BRAF: variants seen among roughly 807,000 people sequenced by gnomAD.
BRAF encodes the protein B-Raf proto-oncogene, serine/threonine kinase.
In BRAF, 16 loss-of-function variants were observed where a neutral mutation model predicts 104.6. The observed-to-expected ratio is 0.15, with a 90% CI of 0.10 to 0.23. The LOEUF is 0.23. Among genes scored for constraint, BRAF ranks in the 10% least tolerant of loss-of-function variants. BRAF has a pLI of 1.00. For missense variants in BRAF, 541 were observed against 937.3 expected, an observed-to-expected ratio of 0.58 and a Z score of 5.52; for synonymous variants, 310 against 341.6, an observed-to-expected ratio of 0.91 and a Z score of 1.02.
At chr7:140,786,779 G>A (rs1801403349) in intron 9 of BRAF, among the ~76,000 whole-genome samples, 1 of 152,204 alleles carries the variant, frequency 6.6e-6, no homozygotes, top group Admixed American at 6.5e-5. Context: ...GCAAAGTTAA[G>A]TTTTATCTGA....
chr7:140,912,691 C>A (rs543424035), intron 1 of BRAF, among the ~76,000 whole-genome samples: 2 of 152,240 alleles, frequency 1.3e-5, no homozygotes, highest in Admixed American at 1.3e-4. Context: ...TCAATCAAAA[C>A]ATCTCCTTCA....
At chr7:140,844,086 C>G in intron 2 of BRAF, among the ~76,000 whole-genome samples, 1 of 152,002 alleles carries the variant, frequency 6.6e-6, no homozygotes. Context: ...CAGTCTAACC[C>G]TAGCCAACAG....
chr7:140,909,587 G>A lies in BRAF; in HGVS notation c.138+14979C>T, dbSNP rs113388482. ...CAACTGCAGACTGAAGAGTATTTGCGTCACCAATACAGCACAAGTGACACT... is the reference window on the plus strand; with the variant it reads ...CAACTGCAGACTGAAGAGTATTTGCATCACCAATACAGCACAAGTGACACT... On this transcript the variant is annotated intron_variant, in intron 1 of 19. Transcript: ENST00000644969. Among the ~76,000 whole-genome samples, 371 of 152,122 alleles carry A rather than the reference G, an allele frequency of 2.4e-3. 6 individuals are homozygous for A. The highest frequency in any genetic ancestry group is 0.019 in the Admixed American group (298 of 15,292).
chr7:140,758,447 T>C lies in BRAF; in HGVS notation c.1815-4214A>G, dbSNP rs1294807788. On this transcript the variant is annotated intron_variant, in intron 14 of 19. Coordinates refer to ENST00000644969, the MANE Select transcript of BRAF (RefSeq NM_001374258.1). Reference sequence around the variant, plus strand: ...CTAAATTCTATTTTTGCCTTGATTTTTTAGTTTCCTTCACTTTTTTTTTTG... The same window carrying C: ...CTAAATTCTATTTTTGCCTTGATTTCTTAGTTTCCTTCACTTTTTTTTTTG... 2.0e-5 allele frequency among the ~76,000 whole-genome samples: 3 copies of C among 152,182 alleles called. 1 individual carries two copies. The highest frequency in any genetic ancestry group is 7.2e-5 in the African/African-American group (3 of 41,442).
intron 14 of BRAF, among the ~76,000 whole-genome samples, chr7:140,762,576 T>C (rs1586056839): frequency 2.9e-5 from 4 of 137,702 alleles, no homozygotes; most frequent in African/African-American, 1.1e-4. Flanking sequence ...AAAAAAACCC[T>C]TCAAAAAATT....
chr7:140,883,990 G>A (rs931714521), intron 1 of BRAF: 3 of 151,976 alleles, frequency 2.0e-5, no homozygotes, highest in Non-Finnish European at 4.4e-5. Context: ...GAAATAAGAT[G>A]GTATTTCCAA....
chr7:140,814,712 A>G (rs1804639747), intron 3 of BRAF, among the ~76,000 whole-genome samples: 1 of 144,510 alleles, frequency 6.9e-6, no homozygotes, highest in African/African-American at 2.6e-5. Flanking sequence ...TTTATATATA[A>G]TGTATATAAT....
chr7:140,910,680 A>C (rs186242266), intron 1 of BRAF, among the ~76,000 whole-genome samples: 16 of 152,046 alleles, frequency 1.1e-4, no homozygotes, highest in Admixed American at 1.0e-3. Context: ...GAAAAAATAC[A>C]CTTTTTTTTT....
chr7:140,796,554 C>T (rs1423366047), intron 7 of BRAF, among the ~76,000 whole-genome samples: 1 of 152,020 alleles, frequency 6.6e-6, no homozygotes, highest in East Asian at 1.9e-4. Context: ...AGAAGAAAAA[C>T]AAAAACCAGA....
At chr7:140,754,536 A>G (rs889334009) in intron 14 of BRAF, among the ~76,000 whole-genome samples, 6 of 152,156 alleles carry the variant, frequency 3.9e-5, no homozygotes, top group African/African-American at 1.2e-4. Context: ...CATGTCCCTT[A>G]AATATACCTT....
intron 2 of BRAF, among the ~76,000 whole-genome samples, chr7:140,838,052 C>A (rs1161326321): frequency 1.3e-5 from 2 of 152,176 alleles, no homozygotes; most frequent in Admixed American, 6.5e-5. Context: ...TATGTGCAAA[C>A]CTCAACCACA....
chr7:140,754,680 T>C (rs1233416854), intron 14 of BRAF, among the ~76,000 whole-genome samples: 2 of 152,204 alleles, frequency 1.3e-5, no homozygotes, highest in South Asian at 4.1e-4. Flanking sequence ...TGAGTGAAGC[T>C]TTCCCATGAC....
rs1795351350 is a variant in BRAF, at chr7:140,722,095, G to C, written c.*4399C>G. Reference sequence around the variant, plus strand: ...CTGTCAACATTTCTGTTGTATAAAAGTTCCATGCTTTGAAGAGCCTATGGG... The same window carrying C: ...CTGTCAACATTTCTGTTGTATAAAACTTCCATGCTTTGAAGAGCCTATGGG... On this transcript the variant is annotated 3_prime_UTR_variant, in exon 20 of 20. Transcript: ENST00000644969. 1.9e-6 allele frequency: 2 copies of C among 1,080,532 alleles called. No homozygotes were observed. Among genetic ancestry groups the C allele is most frequent in the Non-Finnish European group, 2.2e-6 (2 of 890,180 alleles). 66.9% of individuals were successfully genotyped at this position (1,080,532 alleles called of 1,614,324 possible).
chr7:140,889,641 A>G (rs1813986027), intron 1 of BRAF, among the ~76,000 whole-genome samples: 1 of 152,220 alleles, frequency 6.6e-6, no homozygotes, highest in Admixed American at 6.5e-5. Flanking sequence ...AAAAGGAAAA[A>G]GAAATGAAGA....
At chr7:140,912,471 G>A (rs1233019820) in intron 1 of BRAF, among the ~76,000 whole-genome samples, 1 of 152,004 alleles carries the variant, frequency 6.6e-6, no homozygotes. Flanking sequence ...CCTCTTCTAA[G>A]ACAGTGCTTC....
rs1053264699 is a variant in BRAF at position 140,722,591 on chromosome 7, C to G, written c.*3903G>C. 6.6e-6 allele frequency: 7 copies of G among 1,055,134 alleles called. No homozygotes were observed. The highest frequency in any genetic ancestry group is 1.1e-4 in the Admixed American group (2 of 18,364). The allele number at this position is 1,055,134 out of a possible 1,614,324, so 65.4% of individuals were successfully genotyped here. A position where few individuals can be genotyped will look rare whatever the true frequency, so the allele number is the denominator to read the frequency against. ...CCTAATGGTTGGAATCTGCTCGTCTCAAGGTGCTGGTATTCCTAGCACTAA... is the reference window on the plus strand; with the variant it reads ...CCTAATGGTTGGAATCTGCTCGTCTGAAGGTGCTGGTATTCCTAGCACTAA... On this transcript the variant is annotated 3_prime_UTR_variant, in exon 20 of 20. Coordinates refer to ENST00000644969, the MANE Select transcript of BRAF (RefSeq NM_001374258.1).
At chr7:140,915,293 C>T (rs1817494114) in intron 1 of BRAF, among the ~76,000 whole-genome samples, 1 of 151,838 alleles carries the variant, frequency 6.6e-6, no homozygotes. Flanking sequence ...TCAAAGTATC[C>T]TAACATTTTA....
chr7:140,914,116 A>G (rs1199770246), intron 1 of BRAF, among the ~76,000 whole-genome samples: 2 of 152,264 alleles, frequency 1.3e-5, no homozygotes, highest in African/African-American at 4.8e-5. Flanking sequence ...AAATTTTTAC[A>G]TACATAGTAT....
chr7:140,860,345 AAC>A (rs1329618466), intron 1 of BRAF, among the ~76,000 whole-genome samples: 1 of 152,064 alleles, frequency 6.6e-6, no homozygotes, highest in African/African-American at 2.4e-5. Context: ...ATATCTAATA[AAC>A]ACATAAAATA....
Sources: allele counts gnomAD v4.1 joint callset (sites outside exome capture counted in the v4.1 genomes callset), GRCh38; gene constraint gnomAD v4.1.1; transcripts MANE v1.5; gene names NCBI Gene and HGNC (gene_info 2026-07-23, HGNC 2026-07-21).